Variants in NFS1 observed in about 807,000 individuals in gnomAD.
NFS1 encodes the protein NFS1 cysteine desulfurase.
Under a neutral mutation model 57.3 loss-of-function variants are expected in NFS1, and 26 were observed. The ratio of observed to expected loss-of-function variants is 0.45; its 90% CI spans 0.33 to 0.63. The LOEUF is 0.63. NFS1 is among the 20% of genes least tolerant of loss of function. The pLI is 0.02. For synonymous variants in NFS1, 209 were observed against 216.3 expected, an observed-to-expected ratio of 0.97 and a Z score of 0.30; for missense variants, 505 against 605.8, an observed-to-expected ratio of 0.83 and a Z score of 1.75.
chr20:35,680,289 A>G (rs976061251), intron 7 of NFS1, among the ~76,000 whole-genome samples: 1 of 152,078 alleles, frequency 6.6e-6, no homozygotes, highest in African/African-American at 2.4e-5. Flanking sequence ...TGGGCGACTG[A>G]GCGAGACTCC....
rs2034703727 is a variant in NFS1 at position 35,674,399 on chromosome 20, C to T, written c.1087G>A (p.Gly363Arg). 2 of 1,614,038 alleles carry T rather than the reference C, an allele frequency of 1.2e-6. No individual in the cohort carries two copies. Among genetic ancestry groups the T allele is most frequent in the Non-Finnish European group, 8.5e-7 (1 of 1,180,030 alleles). The change falls in exon 10 of 13, where the codon GGG (glycine) becomes AGG (arginine). Residue 363 changes from glycine to arginine, a missense_variant. Physicochemically the swap from Gly to Arg is moderately radical, Grantham distance 125 (BLOSUM62 -2). Transcript: ENST00000374092. ...TTCAGTGCCATCAGCAGACTTTCCC[C>T]TTCCACATATGCAAAGGAGAGGTTG... is the stretch of plus-strand genomic sequence containing the variant. ...CINLSFAYVE[G>R]ESLLMALKDV... is the part of the protein sequence containing the mutation.
At chr20:35,687,945 T>TA (rs1438557943) in intron 5 of NFS1, among the ~76,000 whole-genome samples, 1 of 152,064 alleles carries the variant, frequency 6.6e-6, no homozygotes, top group African/African-American at 2.4e-5. Context: ...AAAAAATGTT[T>TA]AAAAATTTAG....
At chr20:35,671,007 A>G (rs1277638146) in intron 12 of NFS1, among the ~76,000 whole-genome samples, 1 of 152,196 alleles carries the variant, frequency 6.6e-6, no homozygotes. Context: ...GAAAAAATCT[A>G]GAGGCCTCAA....
At chr20:35,691,939 T>C (rs909551317) in intron 4 of NFS1, among the ~76,000 whole-genome samples, 7 of 151,570 alleles carry the variant, frequency 4.6e-5, no homozygotes, top group Non-Finnish European at 7.4e-5. Context: ...TTCCAACACT[T>C]TGGGAGGCCG....
chr20:35,698,385 C>A, intron 2 of NFS1, 96 bp downstream of exon 2: 1 of 965,258 alleles, frequency 1.0e-6, no homozygotes, highest in East Asian at 2.5e-5. Context: ...CACACCTTCA[C>A]GGCTCTCACT....
chr20:35,692,411 AG>A (rs1269291978), intron 4 of NFS1: 1 of 168,176 alleles, frequency 5.9e-6, no homozygotes, highest in Non-Finnish European at 1.2e-5. Flanking sequence ...AAAAAAAAAA[AG>A]GGGGCTGGAT....
intron 4 of NFS1, chr20:35,694,615 C>T (rs1042484405): frequency 2.6e-5 from 4 of 152,100 alleles, no homozygotes; most frequent in African/African-American, 7.2e-5. Context: ...AAAGTATTTA[C>T]ATCAGTAAGT....
At chr20:35,685,149 G>C (rs1601527762) in intron 5 of NFS1, among the ~76,000 whole-genome samples, 1 of 151,292 alleles carries the variant, frequency 6.6e-6, no homozygotes, top group African/African-American at 2.4e-5. Flanking sequence ...GGCCCCCAAA[G>C]TGCTGGGATT....
chr20:35,685,987 T>C (rs2034935557), intron 5 of NFS1, among the ~76,000 whole-genome samples: 1 of 147,022 alleles, frequency 6.8e-6, no homozygotes, highest in African/African-American at 2.5e-5. Context: ...TAGAGTGCAA[T>C]GGCACGATCT....
At chr20:35,669,738 A>T (rs2034622800) in intron 12 of NFS1, 53 bp from the exon 13 acceptor site, 1 of 1,540,486 alleles carries the variant, frequency 6.5e-7, no homozygotes. Flanking sequence ...GGAAGTCGAC[A>T]ACATTGGCCC....
intron 4 of NFS1, among the ~76,000 whole-genome samples, chr20:35,694,199 C>T (rs369876383): frequency 3.4e-5 from 5 of 148,822 alleles, no homozygotes; most frequent in African/African-American, 1.0e-4. Flanking sequence ...AGTGCAATGG[C>T]GCAATCTCGG....
At chr20:35,695,012 C>T (rs1179372727) in intron 4 of NFS1, 1 of 152,090 alleles carries the variant, frequency 6.6e-6, no homozygotes, top group East Asian at 1.9e-4. Context: ...CTCAGTTACC[C>T]ATGATGTAGA....
chr20:35,688,358 C>A (rs1018890211), intron 5 of NFS1, among the ~76,000 whole-genome samples: 1 of 151,860 alleles, frequency 6.6e-6, no homozygotes, highest in Non-Finnish European at 1.5e-5. Context: ...AGTTTGAGAC[C>A]AGCCTGGCCA....
intron 5 of NFS1, among the ~76,000 whole-genome samples, chr20:35,683,878 A>G (rs997783960): frequency 1.3e-5 from 2 of 151,086 alleles, no homozygotes; most frequent in Non-Finnish European, 2.9e-5. Context: ...CTGTAATCCC[A>G]GCACTTCGGC....
intron 10 of NFS1, 178 bp from the exon 11 acceptor site, chr20:35,673,862 T>G (rs2034697050): frequency 5.5e-6 from 3 of 540,878 alleles, no homozygotes; most frequent in Non-Finnish European, 1.0e-5. Context: ...CTAGGATGTG[T>G]GAACCTAGCT....
chr20:35,680,608 A>C, intron 7 of NFS1, 129 bp downstream of exon 7: 1 of 726,478 alleles, frequency 1.4e-6, no homozygotes, highest in Admixed American at 4.1e-5. Flanking sequence ...TGACATTTGC[A>C]TTCTACAAGG....
chr20:35,680,688 G>T, intron 7 of NFS1, 49 bp downstream of exon 7: 5 of 1,407,444 alleles, frequency 3.6e-6, no homozygotes, highest in Non-Finnish European at 4.7e-6. Flanking sequence ...ATCTATCAAA[G>T]GTCTTGCTGG....
chr20:35,699,103 G>T lies in NFS1; in HGVS notation c.97+89C>A. Reference sequence around the variant, plus strand: ...AAGGGTCAGAGGGTCTGGGCAGCAGGGTGGACAGGAAGGCTCCGGAATATT... The same window carrying T: ...AAGGGTCAGAGGGTCTGGGCAGCAGTGTGGACAGGAAGGCTCCGGAATATT... On this transcript the variant is annotated intron_variant, in intron 1 of 12. Transcript: ENST00000374092. The surrounding 1 kb of genome is among the most constrained non-coding windows in gnomAD (Gnocchi z 4.4). The T allele has an allele frequency of 7.4e-7, 1 of 1,353,272 alleles. No homozygotes were observed. Among genetic ancestry groups the T allele is most frequent in the South Asian group, 1.8e-5 (1 of 54,610 alleles). 83.8% of individuals were successfully genotyped at this position (1,353,272 alleles called of 1,614,324 possible).
intron 2 of NFS1, among the ~76,000 whole-genome samples, chr20:35,698,061 G>C (rs145983026): frequency 6.6e-6 from 1 of 152,278 alleles, no homozygotes; most frequent in Non-Finnish European, 1.5e-5. Context: ...TCCGACATCT[G>C]TTTCTGCTGG....
Sources: allele counts gnomAD v4.1 joint callset (sites outside exome capture counted in the v4.1 genomes callset), GRCh38; gene constraint gnomAD v4.1.1; non-coding constraint Gnocchi (gnomAD v3.1); transcripts MANE v1.5; gene names NCBI Gene and HGNC (gene_info 2026-07-23, HGNC 2026-07-21).